Variants in FYN observed in about 807,000 individuals in gnomAD.
FYN encodes the protein tyrosine-protein kinase Fyn.
A neutral mutation model predicts 70.2 loss-of-function variants in FYN; 10 were observed. The observed-to-expected ratio is 0.14, with a 90% CI of 0.09 to 0.24. FYN has a LOEUF of 0.24. FYN is among the 10% of genes least tolerant of loss of function. The pLI is 1.00. For missense variants in FYN, 319 were observed against 673.1 expected (o/e 0.47, Z 5.82); for synonymous variants, 236 against 248.6 (o/e 0.95, Z 0.48).
chr6:111,755,054 A>T (rs1583410121), intron 3 of FYN, among the ~76,000 whole-genome samples: 2 of 152,096 alleles, frequency 1.3e-5, no homozygotes, highest in African/African-American at 4.8e-5. Flanking sequence ...GAATGTCCCA[A>T]AGATGGTAAA....
At chr6:111,811,894 G>C (rs1772336705) in intron 2 of FYN, among the ~76,000 whole-genome samples, 1 of 152,170 alleles carries the variant, frequency 6.6e-6, no homozygotes, top group South Asian at 2.1e-4. Flanking sequence ...CTGGTCTACA[G>C]ATCTGGAAGA....
chr6:111,764,997 C>A (rs1803172166), intron 3 of FYN, among the ~76,000 whole-genome samples: 2 of 117,646 alleles, frequency 1.7e-5, no homozygotes, highest in African/African-American at 3.3e-5. Context: ...GCCGAAGCAG[C>A]GTCTTTGTGG....
At chr6:111,803,832 G>A (rs1168329389) in intron 2 of FYN, among the ~76,000 whole-genome samples, 1 of 152,178 alleles carries the variant, frequency 6.6e-6, no homozygotes, top group Non-Finnish European at 1.5e-5. Context: ...GGAATAATCT[G>A]CGGAAATGCA....
At chr6:111,673,866 C>G (rs1035111299) in intron 13 of FYN, among the ~76,000 whole-genome samples, 1 of 152,222 alleles carries the variant, frequency 6.6e-6, no homozygotes. Flanking sequence ...CTTTGGAGAG[C>G]ATAAATCTGA....
chr6:111,701,669 A>T (rs1799843995), intron 8 of FYN, among the ~76,000 whole-genome samples: 1 of 152,186 alleles, frequency 6.6e-6, no homozygotes. Context: ...CAAATGATCC[A>T]AACCCTGGGG....
chr6:111,845,952 A>G (rs1208631221), intron 2 of FYN, among the ~76,000 whole-genome samples: 1 of 152,226 alleles, frequency 6.6e-6, no homozygotes, highest in Non-Finnish European at 1.5e-5. Context: ...TGGATAGCTC[A>G]GCCCTCAGTC....
At chr6:111,781,542 CAT>C (rs766142091) in intron 2 of FYN, among the ~76,000 whole-genome samples, 5 of 152,180 alleles carry the variant, frequency 3.3e-5, no homozygotes, top group African/African-American at 4.8e-5. Context: ...CCTGTCGAGT[CAT>C]GTTAGCCTGG....
chr6:111,767,330 A>AT (rs1455123297), intron 3 of FYN, among the ~76,000 whole-genome samples: 2 of 152,246 alleles, frequency 1.3e-5, no homozygotes, highest in Non-Finnish European at 2.9e-5. Flanking sequence ...CATTTTCTTA[A>AT]ATGTGCTCTC....
chr6:111,823,521 C>G (rs1334997664), intron 2 of FYN, among the ~76,000 whole-genome samples: 2 of 152,094 alleles, frequency 1.3e-5, no homozygotes, highest in Admixed American at 6.5e-5. Flanking sequence ...ACTTTTTTCC[C>G]CCTTTTATAA....
chr6:111,784,787 TAA>T (rs1027596886), intron 2 of FYN, among the ~76,000 whole-genome samples: 5 of 152,016 alleles, frequency 3.3e-5, no homozygotes, highest in Non-Finnish European at 7.4e-5. Flanking sequence ...GGAAAAAAAA[TAA>T]AAGAGCCAGC....
intron 3 of FYN, among the ~76,000 whole-genome samples, chr6:111,778,204 TC>T (rs1450864008): frequency 6.6e-6 from 1 of 152,038 alleles, no homozygotes; most frequent in African/African-American, 2.4e-5. Flanking sequence ...GAAAATAGCA[TC>T]AGAGGACAAA....
intron 13 of FYN, among the ~76,000 whole-genome samples, chr6:111,673,622 G>GTTTTTTT (rs71021858): frequency 2.8e-4 from 33 of 116,568 alleles, no homozygotes; most frequent in African/African-American, 6.3e-4. Flanking sequence ...TTCTATCATT[G>GTTTTTTT]TTTTTTTTTT....
In FYN at chr6:111,836,412, T is replaced by G. The variant is rs13340407; in HGVS notation, c.-82+10177A>C. Among the ~76,000 whole-genome samples, 311 of 152,158 alleles carry G rather than the reference T, an allele frequency of 2.0e-3. 1 individual carries two copies. The highest frequency in any genetic ancestry group is 7.2e-3 in the African/African-American group (300 of 41,452). On this transcript the variant is annotated intron_variant, in intron 2 of 13. Transcript: ENST00000354650. ...CCTCAGATATTAACTGATTTGGGCT[T>G]TAGCCCCCAAAAGAAAAATTTTTAA...
intron 3 of FYN, among the ~76,000 whole-genome samples, chr6:111,753,440 G>A (rs2128488856): frequency 6.6e-6 from 1 of 152,276 alleles, no homozygotes; most frequent in Non-Finnish European, 1.5e-5. Flanking sequence ...CTAAAATGGG[G>A]CTCTGAGCTC....
At position 111,675,272 on chromosome 6, in the gene FYN, C is replaced by T. The variant is rs565989258; in HGVS notation, c.1274-642G>A. 2.4e-4 allele frequency among the ~76,000 whole-genome samples: 37 copies of T among 152,314 alleles called. No individual in the cohort carries two copies. In the South Asian group the frequency reaches 7.2e-3, roughly 30 times the overall value. The stretch of plus-strand genomic sequence containing the variant: ...TTTCTTACCACTTTTTCTTCTACCA[C>T]CCAGCAAGAGTACTATTTAATGTTT... On this transcript the variant is annotated intron_variant, in intron 12 of 13. Coordinates refer to ENST00000354650, the MANE Select transcript of FYN (RefSeq NM_002037.5).
At chr6:111,701,965 T>C (rs1275651263) in intron 8 of FYN, among the ~76,000 whole-genome samples, 1 of 152,232 alleles carries the variant, frequency 6.6e-6, no homozygotes. Flanking sequence ...TATACATACA[T>C]ATTTCAATGA....
chr6:111,738,571 C>T (rs1355757831), intron 3 of FYN, among the ~76,000 whole-genome samples: 1 of 152,220 alleles, frequency 6.6e-6, no homozygotes, highest in Non-Finnish European at 1.5e-5. Context: ...TATCAGCATG[C>T]TTTTGCTCAC....
At chr6:111,709,997 GA>G (rs146692713) in intron 5 of FYN, among the ~76,000 whole-genome samples, 20,101 of 152,078 alleles carry the variant, frequency 0.13, 2,566 homozygotes, top group African/African-American at 0.33. Flanking sequence ...TGTGTTTAAG[GA>G]AAATGGCTTT....
chr6:111,678,108 ATGTGTGTGTGTG>A lies in FYN; in HGVS notation c.1274-3490_1274-3479del, dbSNP rs57015847. Among the ~76,000 whole-genome samples the A allele has an allele frequency of 8.9e-3, 835 of 94,024 alleles. 8 individuals carry two copies. The highest frequency in any genetic ancestry group is 0.024 in the African/African-American group (801 of 33,900). The allele number at this position is 94,024 out of a possible 152,430, so 61.7% of individuals were successfully genotyped here. ...TAAGCCAATACACGAAGGCCATAATATGTGTGTGTGTGTGTGTGTGTGTGTGTGTGTGTGTGT... is the reference window on the plus strand; with the variant it reads ...TAAGCCAATACACGAAGGCCATAATATGTGTGTGTGTGTGTGTGTGTGTGT... On this transcript the variant is annotated intron_variant, in intron 12 of 13. Transcript: ENST00000354650.
Sources: allele counts gnomAD v4.1 joint callset (sites outside exome capture counted in the v4.1 genomes callset), GRCh38; gene constraint gnomAD v4.1.1; transcripts MANE v1.5; gene names NCBI Gene and HGNC (gene_info 2026-07-23, HGNC 2026-07-21).